The following LINGO2 variants were observed in gnomAD, a reference collection of about 807,000 sequenced individuals.
The protein encoded by LINGO2 is leucine-rich repeat and immunoglobulin-like domain-containing nogo receptor-interacting protein 2.
A neutral mutation model predicts 30.6 loss-of-function variants in LINGO2; 14 were observed. The observed-to-expected ratio is 0.46, with a 90% CI of 0.30 to 0.72. LINGO2 has a LOEUF of 0.72. LINGO2 is among the 30% of genes least tolerant of loss of function. The pLI is 0.07. For synonymous variants in LINGO2, 317 were observed against 288.5 expected (o/e 1.10, Z -1.00); for missense variants, 729 against 751.7 (o/e 0.97, Z 0.35).
At chr9:28,459,501 GA>G (rs11412976) in intron 2 of LINGO2, among the ~76,000 whole-genome samples, 1 of 151,280 alleles carries the variant, frequency 6.6e-6, no homozygotes, top group Admixed American at 6.6e-5. Context: ...CTATGTGCCA[GA>G]AAAAAAAGTC....
chr9:28,897,086 A>C, the LINGO2 span, among the ~76,000 whole-genome samples: 1 of 152,192 alleles, frequency 6.6e-6, no homozygotes, highest in African/African-American at 2.4e-5. Context: ...GTGAGAGACT[A>C]GTATTCATCT....
chr9:29,175,873 AT>A, the LINGO2 span, among the ~76,000 whole-genome samples: 1 of 152,186 alleles, frequency 6.6e-6, no homozygotes, highest in Non-Finnish European at 1.5e-5. Flanking sequence ...AAATTCTTTT[AT>A]CACAGCATGC....
the LINGO2 span, among the ~76,000 whole-genome samples, chr9:29,067,324 A>G: frequency 6.6e-6 from 1 of 151,770 alleles, no homozygotes; most frequent in Admixed American, 6.6e-5. Flanking sequence ...GCAAGAGAAG[A>G]ATGTGGAAAA....
At position 28,135,942 on chromosome 9, in the gene LINGO2, C is replaced by T. The variant is rs1340849595; in HGVS notation, c.-86-123537G>A. ...TTTTTTCCCTTCACTGCAATGTAAT[C>T]TCCCTATGAACAGAGGTCTGTATAG... On this transcript the variant is annotated intron_variant, in intron 4 of 5. Transcript: ENST00000379992. 3.3e-5 allele frequency among the ~76,000 whole-genome samples: 5 copies of T among 152,122 alleles called. No homozygotes were observed. In the South Asian group the frequency reaches 8.3e-4, roughly 25 times the overall value.
intron 4 of LINGO2, among the ~76,000 whole-genome samples, chr9:28,125,668 C>A (rs938106588): frequency 3.9e-5 from 6 of 152,000 alleles, no homozygotes; most frequent in African/African-American, 1.5e-4. Context: ...ATTTCCAAGA[C>A]CAGAACTCAG....
At chr9:28,237,127 G>A (rs1821601152) in intron 4 of LINGO2, among the ~76,000 whole-genome samples, 1 of 126,998 alleles carries the variant, frequency 7.9e-6, no homozygotes, top group Non-Finnish European at 1.7e-5. Context: ...CGGGGGGGGG[G>A]TAAAGTTAAA....
intron 1 of LINGO2, among the ~76,000 whole-genome samples, chr9:28,564,876 CG>C (rs1823284706): frequency 6.6e-6 from 1 of 151,992 alleles, no homozygotes; most frequent in Admixed American, 6.6e-5. Flanking sequence ...TGGACAGTGC[CG>C]ATTATACATC....
At chr9:28,691,247 A>G in the LINGO2 span, among the ~76,000 whole-genome samples, 2 of 152,334 alleles carry the variant, frequency 1.3e-5, no homozygotes, top group African/African-American at 4.8e-5. Flanking sequence ...TTTAAACTGT[A>G]TGATGTCAAT....
At chr9:27,973,333 T>C (rs1482690064) in intron 5 of LINGO2, among the ~76,000 whole-genome samples, 3 of 152,212 alleles carry the variant, frequency 2.0e-5, no homozygotes, top group African/African-American at 7.2e-5. Flanking sequence ...ATATTTGTTC[T>C]GATTCATCAG....
the LINGO2 span, among the ~76,000 whole-genome samples, chr9:29,177,887 C>G: frequency 6.6e-6 from 1 of 152,072 alleles, no homozygotes; most frequent in Non-Finnish European, 1.5e-5. Context: ...CTCTTTCTCA[C>G]CAAGCTCCAC....
chr9:28,076,894 G>T (rs1402607167), intron 4 of LINGO2, among the ~76,000 whole-genome samples: 1 of 152,012 alleles, frequency 6.6e-6, no homozygotes, highest in African/African-American at 2.4e-5. Context: ...ATAAACCAAG[G>T]GGTTCATTCT....
At chr9:28,829,838 C>T in the LINGO2 span, among the ~76,000 whole-genome samples, 1 of 152,030 alleles carries the variant, frequency 6.6e-6, no homozygotes, top group African/African-American at 2.4e-5. Flanking sequence ...TGCAGTGAGC[C>T]AAGATCATGC....
At chr9:28,373,936 CATA>C (rs1193174753) in intron 2 of LINGO2, among the ~76,000 whole-genome samples, 2 of 150,924 alleles carry the variant, frequency 1.3e-5, no homozygotes, top group South Asian at 2.1e-4. Context: ...TTCAGACAAG[CATA>C]ATAATAATAG....
At chr9:28,481,501 C>A (rs1353932836) in intron 1 of LINGO2, among the ~76,000 whole-genome samples, 1 of 151,994 alleles carries the variant, frequency 6.6e-6, no homozygotes, top group Non-Finnish European at 1.5e-5. Context: ...TCCTTTGAGT[C>A]TCTTTATTTT....
chr9:28,770,603 A>G, the LINGO2 span, among the ~76,000 whole-genome samples: 2 of 152,212 alleles, frequency 1.3e-5, no homozygotes, highest in African/African-American at 2.4e-5. Context: ...ATTGGCTTAC[A>G]TTACGTGCTG....
the LINGO2 span, among the ~76,000 whole-genome samples, chr9:28,843,834 T>G: frequency 6.6e-6 from 1 of 151,776 alleles, no homozygotes; most frequent in South Asian, 2.1e-4. Flanking sequence ...GAGCTTACTA[T>G]GTAAAGGGAG....
chr9:27,992,630 A>G lies in LINGO2; in HGVS notation c.-36+19725T>C, dbSNP rs149395634. On this transcript the variant is annotated intron_variant, in intron 5 of 5. Transcript: ENST00000379992. The stretch of plus-strand genomic sequence containing the variant: ...ATTTAATAATATAAAGTGAAAAAAT[A>G]AAATTATATCAATACTATAAACACA... Among the ~76,000 whole-genome samples the G allele has an allele frequency of 3.7e-3, 558 of 152,280 alleles. 3 individuals carry two copies. The highest frequency in any genetic ancestry group is 6.5e-3 in the Non-Finnish European group (439 of 68,010).
the LINGO2 span, among the ~76,000 whole-genome samples, chr9:29,190,940 C>T: frequency 6.6e-6 from 1 of 152,098 alleles, no homozygotes; most frequent in Non-Finnish European, 1.5e-5. Flanking sequence ...AACAGATCAA[C>T]ATCGAAGAGA....
chr9:28,585,811 G>T (rs1362050673), intron 1 of LINGO2, among the ~76,000 whole-genome samples: 4 of 152,006 alleles, frequency 2.6e-5, no homozygotes, highest in Non-Finnish European at 5.9e-5. Context: ...TTTTGTTGTT[G>T]GTTCACTTGG....
Sources: gnomAD v4.1 joint callset for allele counts (sites outside exome capture counted in the v4.1 genomes callset) on GRCh38, gnomAD v4.1.1 for gene constraint, MANE v1.5 for transcripts, NCBI Gene and HGNC (gene_info 2026-07-23, HGNC 2026-07-21) for gene names.